COX7A2: variants seen among roughly 807,000 people sequenced by gnomAD.
The protein encoded by COX7A2 is cytochrome c oxidase subunit 7A2, also known as cytochrome c oxidase subunit 7A2, mitochondrial.
Under a neutral mutation model 11.6 loss-of-function variants are expected in COX7A2, and 11 were observed. That is an observed-to-expected ratio of 0.95 (90% confidence interval 0.60 to 1.57). COX7A2 has a LOEUF of 1.57. COX7A2 is among the 40% of genes most tolerant of loss of function. The pLI is 0.00. For missense variants in COX7A2, 106 were observed against 100.9 expected (o/e 1.05, Z -0.22); for synonymous variants, 30 against 38.2 (o/e 0.78, Z 0.79).
upstream of COX7A2, chr6:75,243,950 C>T: frequency 1.2e-6 from 1 of 843,918 alleles, no homozygotes. Context: ...CGTCTCAGTC[C>T]CGTGATCTCG....
rs767534648 is a variant in COX7A2, at chr6:75,237,933, C to T, written c.249G>A (p.Glu83=). ...GCGATTGCTGGGATGACTGAAGTCA[C>T]TCCTGCTTCTTGGGAAATGAAGCCA... The part of the protein sequence containing the change: ...LAVASFPKKQ[E] The change falls in exon 4 of 4, where the codon GAG becomes GAA. Residue 83 remains glutamate (E), a synonymous_variant. Transcript: ENST00000684430. 11 of 1,606,368 alleles carry T rather than the reference C, an allele frequency of 6.8e-6. No homozygotes were observed. The highest frequency in any genetic ancestry group is 1.7e-4 in the Middle Eastern group (1 of 6,042).
At chr6:75,248,789 C>T (rs1166710211), upstream of COX7A2, among the ~76,000 whole-genome samples, 3 of 152,130 alleles carry the variant, frequency 2.0e-5, no homozygotes, top group East Asian at 1.9e-4. Context: ...TTGTAATACA[C>T]GCAAGGGAAT....
chr6:75,248,968 T>A (rs1306435299), intron 1 of COX7A2, among the ~76,000 whole-genome samples: 1 of 152,140 alleles, frequency 6.6e-6, no homozygotes, highest in Non-Finnish European at 1.5e-5. Context: ...AGACAGAATT[T>A]TGGGCCGGGC....
At chr6:75,242,543 C>G (rs1468827374) in intron 1 of COX7A2, among the ~76,000 whole-genome samples, 1 of 151,376 alleles carries the variant, frequency 6.6e-6, no homozygotes, top group Non-Finnish European at 1.5e-5. Flanking sequence ...TAAAAAAGGC[C>G]GTGCACAGTG....
upstream of COX7A2, among the ~76,000 whole-genome samples, chr6:75,245,384 A>T (rs1187738919): frequency 6.6e-6 from 1 of 151,454 alleles, no homozygotes; most frequent in Non-Finnish European, 1.5e-5. Flanking sequence ...CCAGCTACTC[A>T]GGAGGTTGAG....
At chr6:75,248,920 G>A (rs978653339) in intron 1 of COX7A2, among the ~76,000 whole-genome samples, 1 of 152,172 alleles carries the variant, frequency 6.6e-6, no homozygotes, top group Non-Finnish European at 1.5e-5. Context: ...AAAGTTGTAT[G>A]GGAAATTCAA....
chr6:75,239,216 T>C (rs937819041), intron 3 of COX7A2, among the ~76,000 whole-genome samples: 4 of 152,146 alleles, frequency 2.6e-5, no homozygotes, highest in African/African-American at 9.7e-5. Context: ...GACCCAAACT[T>C]GCAACTGGTG....
chr6:75,240,045 G>A (rs1051223037), intron 3 of COX7A2, among the ~76,000 whole-genome samples: 3 of 151,942 alleles, frequency 2.0e-5, no homozygotes, highest in East Asian at 3.9e-4. Context: ...AGGTTGCAGT[G>A]AGCCGAGATC....
chr6:75,242,232 C>G (rs567084673), intron 1 of COX7A2, among the ~76,000 whole-genome samples: 1 of 151,490 alleles, frequency 6.6e-6, no homozygotes, highest in African/African-American at 2.4e-5. Context: ...TGGCCAGGCG[C>G]GGTGGCTCAC....
upstream of COX7A2, among the ~76,000 whole-genome samples, chr6:75,246,833 C>T (rs1264719390): frequency 1.3e-5 from 2 of 152,170 alleles, no homozygotes; most frequent in Non-Finnish European, 2.9e-5. Flanking sequence ...TGAAATTTGC[C>T]TGCGTACCTA....
At position 75,243,780 on chromosome 6, in the gene COX7A2, C is replaced by T. The variant is rs370665822; in HGVS notation, c.-46G>A. On this transcript the variant is annotated 5_prime_UTR_variant, in exon 1 of 4. Transcript: ENST00000684430. ...AACCGCCACAACTGAACACCACCAA[C>T]GAAAATGGCCACGCCGGAACCGGAA... 4.6e-5 allele frequency: 74 copies of T among 1,614,008 alleles called. 1 individual carries two copies. Among genetic ancestry groups the T allele is most frequent in the South Asian group, 8.8e-5 (8 of 91,080 alleles).
At chr6:75,243,415 C>A (rs1452072112) in intron 1 of COX7A2, among the ~76,000 whole-genome samples, 1 of 152,104 alleles carries the variant, frequency 6.6e-6, no homozygotes, top group African/African-American at 2.4e-5. Context: ...CAGATCGGAG[C>A]TACTAACCTC....
chr6:75,243,738 G>T lies in COX7A2; in HGVS notation c.-4C>A, dbSNP rs185927468. 1.2e-6 allele frequency: 2 copies of T among 1,613,766 alleles called. No homozygotes were observed. The highest frequency in any genetic ancestry group is 2.7e-5 in the African/African-American group (2 of 74,898). ...TCACCAGCAGATTCCGCAGCATCTT[G>T]GCTGTTACTGACCAGCAACCGCCAC... On this transcript the variant is annotated 5_prime_UTR_variant, in exon 1 of 4. Transcript: ENST00000684430.
In COX7A2 at chr6:75,237,800, G is replaced by T; in HGVS notation, c.*130C>A. 1.7e-6 allele frequency: 1 copy of T among 572,224 alleles called. No homozygotes were observed. The highest frequency in any genetic ancestry group is 3.1e-6 in the Non-Finnish European group (1 of 322,820). 35.4% of individuals were successfully genotyped at this position (572,224 alleles called of 1,614,324 possible). A position where few individuals can be genotyped will look rare whatever the true frequency, so the allele number is the denominator to read the frequency against. ...AATCAGACAAAGCATGGTAAAGACT[G>T]CTTTATTGGTGGCAGTTACTACAAG... On this transcript the variant is annotated 3_prime_UTR_variant, in exon 4 of 4. Coordinates refer to ENST00000684430, the MANE Select transcript of COX7A2 (RefSeq NM_001366293.2).
chr6:75,240,597 T>C (rs1771469389), intron 2 of COX7A2: 1 of 449,998 alleles, frequency 2.2e-6, no homozygotes, highest in Non-Finnish European at 3.9e-6. Flanking sequence ...GTCAGCATTC[T>C]TCTTTCACCG....
upstream of COX7A2, among the ~76,000 whole-genome samples, chr6:75,246,485 C>T (rs1034665773): frequency 5.9e-5 from 9 of 152,160 alleles, no homozygotes; most frequent in African/African-American, 2.2e-4. Flanking sequence ...GCCTTTTTAA[C>T]GGGTTTCCCT....
chr6:75,243,227 C>A (rs1771575137), intron 1 of COX7A2, among the ~76,000 whole-genome samples: 4 of 152,220 alleles, frequency 2.6e-5, no homozygotes, highest in African/African-American at 7.2e-5. Flanking sequence ...CACTGCACTT[C>A]AGCCATGACT....
chr6:75,245,738 T>C (rs1232541461), upstream of COX7A2, among the ~76,000 whole-genome samples: 1 of 152,234 alleles, frequency 6.6e-6, no homozygotes, highest in Non-Finnish European at 1.5e-5. Flanking sequence ...AGGCTTTTAC[T>C]GCTCTTGTTT....
rs548935445 is a variant in COX7A2 at position 75,242,919 on chromosome 6, C to A, written c.18+798G>T. ...GACAGCAAATAGACTGGCATGATTC[C>A]TTCTCAATTAAAATGCTTCTCTCAT... On this transcript the variant is annotated intron_variant, in intron 1 of 3. Transcript: ENST00000684430. 5.9e-5 allele frequency among the ~76,000 whole-genome samples: 9 copies of A among 152,244 alleles called. No individual in the cohort carries two copies. The East Asian group carries it at 1.7e-3, about 29-fold the overall frequency.
Sources: gnomAD v4.1 joint callset for allele counts (sites outside exome capture counted in the v4.1 genomes callset) on GRCh38, gnomAD v4.1.1 for gene constraint, MANE v1.5 for transcripts, NCBI Gene and HGNC (gene_info 2026-07-23, HGNC 2026-07-21) for gene names.